Variants in AVIL observed in about 807,000 individuals in gnomAD.
The protein encoded by AVIL is advillin.
A neutral mutation model predicts 109.9 loss-of-function variants in AVIL; 78 were observed. The ratio of observed to expected loss-of-function variants is 0.71; its 90% CI spans 0.59 to 0.86. AVIL has a LOEUF of 0.86. AVIL is among the 40% of genes least tolerant of loss of function. The probability of loss-of-function intolerance (pLI) is 0.00; values close to 1 mark genes in which losing one functional copy is unlikely to be tolerated. For missense variants in AVIL, 892 were observed against 1,016.5 expected, an observed-to-expected ratio of 0.88 and a Z score of 1.67; for synonymous variants, 367 against 379.1, an observed-to-expected ratio of 0.97 and a Z score of 0.37.
At chr12:57,798,774 G>C (rs1955786652) in intron 19 of AVIL, among the ~76,000 whole-genome samples, 1 of 151,700 alleles carries the variant, frequency 6.6e-6, no homozygotes, top group Admixed American at 6.6e-5. Flanking sequence ...CCACCACCAC[G>C]CCTGGCTAAT....
intron 4 of AVIL, among the ~76,000 whole-genome samples, chr12:57,812,241 C>T (rs948968011): frequency 6.6e-5 from 10 of 152,334 alleles, no homozygotes; most frequent in Non-Finnish European, 1.2e-4. Flanking sequence ...ACTGTGTTGC[C>T]TAGGCTGATC....
At chr12:57,807,960 T>C in intron 11 of AVIL, 1 of 800,864 alleles carries the variant, frequency 1.2e-6, no homozygotes, top group South Asian at 1.4e-5. Flanking sequence ...TTTGCAAGGC[T>C]GAGCAATGAT....
At chr12:57,815,188 G>A (rs1289004366) in intron 2 of AVIL, among the ~76,000 whole-genome samples, 2 of 152,280 alleles carry the variant, frequency 1.3e-5, no homozygotes, top group African/African-American at 2.4e-5. Context: ...TCCTGACTTC[G>A]TGATCCACCC....
At chr12:57,814,294 CCTCT>C in intron 2 of AVIL, 68 bp from the exon 3 acceptor site, 6 of 1,469,344 alleles carry the variant, frequency 4.1e-6, no homozygotes, top group Non-Finnish European at 4.7e-6. Context: ...GCCTCCCTCT[CCTCT>C]CTGTCATTCG....
chr12:57,802,687 C>A, intron 16 of AVIL: 1 of 623,262 alleles, frequency 1.6e-6, no homozygotes, highest in Non-Finnish European at 2.9e-6. Flanking sequence ...CTTTACTAAA[C>A]TTGTATCTGA....
chr12:57,797,985 G>A lies in AVIL; in HGVS notation c.2357C>T (p.Ser786Phe). Reference sequence around the variant, plus strand: ...AAACACAGACACAAAGTCCTGTTCAGAGAGGTAATTCTAAGAGAGAAAACA... The same window carrying A: ...AAACACAGACACAAAGTCCTGTTCAAAGAGGTAATTCTAAGAGAGAAAACA... ...VNPAKKENYLSEQDFVSVFGI... is the reference protein window; with the variant it reads ...VNPAKKENYLFEQDFVSVFGI... Residue 786 changes from serine to phenylalanine, a missense_variant, in exon 20 of 20, where the codon TCT becomes TTT. Coordinates refer to ENST00000549994, the MANE Select transcript of AVIL (RefSeq NM_006576.4). The A allele has an allele frequency of 6.2e-7, 1 of 1,606,702 alleles. No individual in the cohort carries two copies. The highest frequency in any genetic ancestry group is 1.1e-5 in the South Asian group (1 of 89,788).
rs768679508 is a variant in AVIL, at chr12:57,806,466, T to G, written c.1565A>C (p.Lys522Thr). 6 of 1,614,134 alleles carry G rather than the reference T, an allele frequency of 3.7e-6. No individual in the cohort carries two copies. The highest frequency in any genetic ancestry group is 3.3e-4 in the Middle Eastern group (2 of 6,062). ...VRLFQIHGND[K>T]SNTKAVEVPA... ...AACTTCCACTGCTTTGGTGTTAGAT[T>G]TGTCATTTCCATGAATTTGGAAGAG... The change falls in exon 14 of 20, where the codon AAA (lysine) becomes ACA (threonine). Residue 522 changes from lysine (K) to threonine (T), a missense_variant. Physicochemically the swap from Lys to Thr is moderately conservative, Grantham distance 78. Transcript: ENST00000549994.
At chr12:57,801,796 T>C (rs1457302323) in intron 17 of AVIL, among the ~76,000 whole-genome samples, 1 of 152,154 alleles carries the variant, frequency 6.6e-6, no homozygotes, top group Non-Finnish European at 1.5e-5. Context: ...TTCTGTTGAT[T>C]AACTGTGACT....
At chr12:57,805,505 T>C (rs1388266292) in intron 14 of AVIL, among the ~76,000 whole-genome samples, 1 of 152,158 alleles carries the variant, frequency 6.6e-6, no homozygotes, top group East Asian at 1.9e-4. Flanking sequence ...TTTATGAGAT[T>C]TCTGCTAGGT....
chr12:57,804,833 G>T (rs893558660), intron 14 of AVIL, among the ~76,000 whole-genome samples: 4 of 151,418 alleles, frequency 2.6e-5, no homozygotes, highest in African/African-American at 9.7e-5. Flanking sequence ...AAAAAAAACT[G>T]AAACTGTCGA....
At chr12:57,807,092 A>G (rs1955959547) in intron 13 of AVIL, among the ~76,000 whole-genome samples, 1 of 152,176 alleles carries the variant, frequency 6.6e-6, no homozygotes, top group African/African-American at 2.4e-5. Context: ...GCACCTGCAT[A>G]GGTAATATGG....
At chr12:57,809,442 G>C (rs1354876407) in intron 9 of AVIL, among the ~76,000 whole-genome samples, 155 bp downstream of exon 9, 5 of 152,204 alleles carry the variant, frequency 3.3e-5, no homozygotes, top group African/African-American at 1.2e-4. Context: ...GACAAAACCT[G>C]GATTTGAATC....
chr12:57,813,773 C>T (rs1298396011), intron 3 of AVIL, among the ~76,000 whole-genome samples: 1 of 152,230 alleles, frequency 6.6e-6, no homozygotes, highest in Non-Finnish European at 1.5e-5. Flanking sequence ...TGTACACCTG[C>T]ACGACCCTGT....
Position 57,807,469 on chromosome 12 carries a change from A to G in AVIL, c.1353T>C (p.Asp451=). 1 of 1,614,240 alleles carries G rather than the reference A, an allele frequency of 6.2e-7. No homozygotes were observed. Among genetic ancestry groups the G allele is most frequent in the Non-Finnish European group, 8.5e-7 (1 of 1,180,036 alleles). ...YIWQGRHASQ[D]ELAASAYQAV... is the part of the protein sequence containing the mutation. ...CCTGGTATGCTGAGGCTGCCAGCTC[A>G]TCCTGTGAGGCGTGGCGGCCCTGCA... Residue 451 remains aspartate (D), a synonymous_variant, in exon 13 of 20, where the codon GAT becomes GAC. Transcript: ENST00000549994.
At chr12:57,815,537 G>GTC (rs1956091307) in intron 2 of AVIL, 1 of 1,196,020 alleles carries the variant, frequency 8.4e-7, no homozygotes, top group South Asian at 1.5e-5. Flanking sequence ...CCCAAGAGGA[G>GTC]ACGGGCTGAA....
chr12:57,811,243 T>A, intron 4 of AVIL, 116 bp from the exon 5 acceptor site: 3 of 950,718 alleles, frequency 3.2e-6, no homozygotes, highest in Non-Finnish European at 4.8e-6. Context: ...ATCAGCAAGG[T>A]AAATACAGAT....
intron 1 of AVIL, 92 bp from the exon 2 acceptor site, chr12:57,816,151 G>T: frequency 9.4e-7 from 1 of 1,065,904 alleles, no homozygotes. Context: ...CCAGTCTGTT[G>T]TCAGCCATCC....
Position 57,799,800 on chromosome 12 carries a change from T to C in AVIL, c.2341A>G (p.Lys781Glu). ...ELPEDVNPAK[K>E]ENYLSEQDFV... ...CAGTTCCTTCAGCCACTCACCTCCTTTTTGGCAGGGTTTACATCCTCAGGC... is the reference window on the plus strand; with the variant it reads ...CAGTTCCTTCAGCCACTCACCTCCTCTTTGGCAGGGTTTACATCCTCAGGC... The change falls in exon 19 of 20, where the codon AAG becomes GAG. Residue 781 changes from lysine (K) to glutamate (E), a missense_variant. Lys to Glu is a moderately conservative substitution (Grantham distance 56, BLOSUM62 1). Coordinates refer to ENST00000549994, the MANE Select transcript of AVIL (RefSeq NM_006576.4). 1 of 1,613,970 alleles carries C rather than the reference T, an allele frequency of 6.2e-7. No individual in the cohort carries two copies. The highest frequency in any genetic ancestry group is 8.5e-7 in the Non-Finnish European group (1 of 1,180,000).
intron 1 of AVIL, 165 bp from the exon 2 acceptor site, chr12:57,816,224 A>G (rs1956099871): frequency 3.3e-6 from 2 of 597,564 alleles, no homozygotes; most frequent in East Asian, 6.2e-5. Context: ...GACTTGTCCA[A>G]GTGCACATGG....
Sources: allele counts gnomAD v4.1 joint callset (sites outside exome capture counted in the v4.1 genomes callset), GRCh38; gene constraint gnomAD v4.1.1; transcripts MANE v1.5; gene names NCBI Gene and HGNC (gene_info 2026-07-23, HGNC 2026-07-21).